WASHC4: variants seen among roughly 807,000 people sequenced by gnomAD.
WASHC4 encodes WASH complex subunit 7.
Under a neutral mutation model 166.6 loss-of-function variants are expected in WASHC4, and 86 were observed. The observed-to-expected ratio is 0.52, with a 90% CI of 0.43 to 0.62. The LOEUF (loss-of-function observed/expected upper bound fraction) is 0.62. WASHC4 is among the 20% of genes least tolerant of loss of function. The pLI is 0.00. For synonymous variants in WASHC4, 446 were observed against 451.6 expected (o/e 0.99, Z 0.16); for missense variants, 1,262 against 1,382.4 (o/e 0.91, Z 1.38).
intron 25 of WASHC4, among the ~76,000 whole-genome samples, chr12:105,151,203 G>A (rs535397845): frequency 3.4e-5 from 5 of 149,086 alleles, no homozygotes; most frequent in South Asian, 2.2e-4. Context: ...TCCAGGCTGA[G>A]TTTTCCCATA....
At chr12:105,159,808 A>T (rs982023578) in intron 28 of WASHC4, among the ~76,000 whole-genome samples, 193 bp from the exon 29 acceptor site, 1 of 152,250 alleles carries the variant, frequency 6.6e-6, no homozygotes, top group South Asian at 2.1e-4. Flanking sequence ...TTTTGGGACT[A>T]AATTTACTAA....
chr12:105,148,340 A>C, intron 24 of WASHC4: 6 of 985,314 alleles, frequency 6.1e-6, no homozygotes, highest in Non-Finnish European at 7.2e-6. Flanking sequence ...CTTGACTTCT[A>C]TCATCTATCA....
chr12:105,133,013 A>G (rs1053674842), intron 13 of WASHC4, among the ~76,000 whole-genome samples: 6 of 151,778 alleles, frequency 4.0e-5, no homozygotes, highest in South Asian at 2.1e-4. Context: ...TCTGTAGTTT[A>G]TTTTCAACTC....
chr12:105,129,898 TC>T (rs1881640914), intron 13 of WASHC4, among the ~76,000 whole-genome samples: 1 of 152,202 alleles, frequency 6.6e-6, no homozygotes, highest in South Asian at 2.1e-4. Context: ...CATACCATGT[TC>T]CATAAAGCAT....
At chr12:105,142,094 C>T (rs932306338) in intron 18 of WASHC4, among the ~76,000 whole-genome samples, 1 of 151,224 alleles carries the variant, frequency 6.6e-6, no homozygotes, top group Non-Finnish European at 1.5e-5. Context: ...GTATTTAAGT[C>T]TAGTCATAGC....
intron 32 of WASHC4, among the ~76,000 whole-genome samples, chr12:105,166,570 T>A (rs1884819641): frequency 6.6e-6 from 1 of 152,076 alleles, no homozygotes; most frequent in African/African-American, 2.4e-5. Flanking sequence ...ATATCAAGAT[T>A]CCTCAGGACA....
chr12:105,156,666 T>A, intron 26 of WASHC4, 60 bp from the exon 27 acceptor site: 1 of 1,361,128 alleles, frequency 7.3e-7, no homozygotes, highest in Non-Finnish European at 1.0e-6. Context: ...TGTAACTATA[T>A]TCCTATTAGA....
chr12:105,163,589 C>A (rs143840584), intron 30 of WASHC4, among the ~76,000 whole-genome samples: 1 of 152,020 alleles, frequency 6.6e-6, no homozygotes, highest in African/African-American at 2.4e-5. Context: ...GCAGCCTCGA[C>A]CTCCTGGACC....
rs1881264476 is a variant in WASHC4, at chr12:105,126,166, T to C, written c.910+39T>C. The C allele has an allele frequency of 1.9e-6, 3 of 1,612,762 alleles. No homozygotes were observed. The African/African-American group carries it at 4.0e-5, about 21-fold the overall frequency. On this transcript the variant is annotated intron_variant, in intron 11 of 32. Transcript: ENST00000332180. ...CATTTTTTGGTTTTTGTTTATAAAA[T>C]TTGCATTTCCTTAAAAGCATAATTG...
intron 29 of WASHC4, among the ~76,000 whole-genome samples, chr12:105,160,915 G>A (rs1478991975): frequency 3.3e-5 from 5 of 152,024 alleles, no homozygotes; most frequent in Admixed American, 2.0e-4. Flanking sequence ...AGTATGTAAC[G>A]TGTTCTTGCT....
chr12:105,109,669 T>TTTTC lies in WASHC4; in HGVS notation c.62-1455_62-1454insTTCT, dbSNP rs1416228518. On this transcript the variant is annotated intron_variant, in intron 1 of 32. Coordinates refer to ENST00000332180, the MANE Select transcript of WASHC4 (RefSeq NM_015275.3). ...ATTGTCTTTTTTTTTTTTTTTTTTTTTCGAGACAAGGTCTCACTCTGTCGC... is the reference window on the plus strand; with the variant it reads ...ATTGTCTTTTTTTTTTTTTTTTTTTTTTTCTCGAGACAAGGTCTCACTCTGTCGC... 9.7e-3 allele frequency among the ~76,000 whole-genome samples: 1,458 copies of TTTTC among 149,810 alleles called. 15 individuals carry two copies. Among genetic ancestry groups the TTTTC allele is most frequent in the Middle Eastern group, 0.031 (9 of 286 alleles).
chr12:105,113,998 T>C (rs1879936173), intron 2 of WASHC4, among the ~76,000 whole-genome samples: 1 of 151,990 alleles, frequency 6.6e-6, no homozygotes, highest in South Asian at 2.1e-4. Flanking sequence ...TTATGCTCCA[T>C]AGGACAAGTA....
chr12:105,143,315 T>C (rs1883021456), intron 20 of WASHC4, 72 bp downstream of exon 20: 1 of 867,234 alleles, frequency 1.2e-6, no homozygotes, highest in Non-Finnish European at 1.9e-6. Flanking sequence ...AAATGTTCGA[T>C]TGAAGCAGAC....
intron 18 of WASHC4, among the ~76,000 whole-genome samples, chr12:105,141,540 T>C (rs1409591291): frequency 6.6e-6 from 1 of 152,220 alleles, no homozygotes; most frequent in Non-Finnish European, 1.5e-5. Flanking sequence ...GGTATCTTTA[T>C]TGGACTTAAA....
intron 8 of WASHC4, 126 bp downstream of exon 8, chr12:105,120,723 T>TG (rs57967713): frequency 1.8e-5 from 13 of 708,382 alleles, no homozygotes; most frequent in Admixed American, 4.4e-5. Context: ...TGTGTGTGTG[T>TG]TTGTGTGTGT....
chr12:105,140,967 T>C lies in WASHC4; in HGVS notation c.1629T>C (p.Ala543=), dbSNP rs1469802607. The C allele has an allele frequency of 6.2e-7, 1 of 1,614,172 alleles. No homozygotes were observed. Among genetic ancestry groups the C allele is most frequent in the East Asian group, 2.2e-5 (1 of 44,878 alleles). ...RLDVLSALVL[A]ENTLNGPSTK... is the part of the protein sequence containing the mutation. ...ATGTGCTCTCTGCTCTAGTTTTGGC[T>C]GAAAACACTCTAAATGGACCAAGCA... Residue 543 remains alanine, a synonymous_variant, in exon 17 of 33, where the codon GCT becomes GCC. Transcript: ENST00000332180.
At chr12:105,134,860 G>A (rs554931783) in intron 14 of WASHC4, among the ~76,000 whole-genome samples, 1 of 151,608 alleles carries the variant, frequency 6.6e-6, no homozygotes, top group East Asian at 1.9e-4. Flanking sequence ...TAGTTGCTTT[G>A]TATTTGTCTC....
Position 105,127,303 on chromosome 12 carries a change from A to T in WASHC4, c.1199+14A>T, listed in dbSNP as rs1187576333. ...ATCACTTACCAAGTAGGTTTTATAA[A>T]CAAGTATAATGAAAATATTTAGATA... On this transcript the variant is annotated intron_variant, in intron 13 of 32. Coordinates refer to ENST00000332180, the MANE Select transcript of WASHC4 (RefSeq NM_015275.3). 1 of 1,535,908 alleles carries T rather than the reference A, an allele frequency of 6.5e-7. No individual in the cohort carries two copies. Among genetic ancestry groups the T allele is most frequent in the Admixed American group, 1.7e-5 (1 of 59,914 alleles).
intron 13 of WASHC4, among the ~76,000 whole-genome samples, chr12:105,131,821 C>T (rs1881852027): frequency 6.6e-6 from 1 of 152,172 alleles, no homozygotes; most frequent in Non-Finnish European, 1.5e-5. Context: ...TTGTGTTTTT[C>T]GTCTAATGGA....
Sources: allele counts gnomAD v4.1 joint callset (sites outside exome capture counted in the v4.1 genomes callset), GRCh38; gene constraint gnomAD v4.1.1; transcripts MANE v1.5; gene names NCBI Gene and HGNC (gene_info 2026-07-23, HGNC 2026-07-21).